PIP5K1B: variants seen among roughly 807,000 people sequenced by gnomAD.
PIP5K1B encodes phosphatidylinositol 4-phosphate 5-kinase type-1 beta.
PIP5K1B carries 42 observed loss-of-function variants against 67.0 expected under a neutral mutation model. The ratio of observed to expected loss-of-function variants is 0.63; its 90% CI spans 0.49 to 0.81. The LOEUF (loss-of-function observed/expected upper bound fraction) is 0.81. Among genes scored for constraint, PIP5K1B ranks in the 30% least tolerant of loss-of-function variants. The pLI, the probability that PIP5K1B is intolerant of heterozygous loss-of-function variation, is 0.00. For synonymous variants in PIP5K1B, 214 were observed against 231.4 expected, an observed-to-expected ratio of 0.92 and a Z score of 0.68; for missense variants, 459 against 646.3, an observed-to-expected ratio of 0.71 and a Z score of 3.14.
At chr9:68,909,890 T>C (rs1267459425) in intron 8 of PIP5K1B, among the ~76,000 whole-genome samples, 1 of 152,252 alleles carries the variant, frequency 6.6e-6, no homozygotes, top group Non-Finnish European at 1.5e-5. Context: ...TTTTATTATA[T>C]GTCTGCTAGA....
intron 4 of PIP5K1B, among the ~76,000 whole-genome samples, chr9:68,846,896 T>C (rs899514903): frequency 6.6e-5 from 10 of 152,252 alleles, no homozygotes; most frequent in African/African-American, 2.4e-4. Flanking sequence ...TGATTTCTTC[T>C]AGGCCTGTTT....
At chr9:68,941,034 G>T in intron 14 of PIP5K1B, 1 of 603,136 alleles carries the variant, frequency 1.7e-6, no homozygotes, top group Non-Finnish European at 3.1e-6. Flanking sequence ...TTGGCTCAAT[G>T]GAAGAAGACA....
chr9:68,964,144 CTTT>C (rs969995831), intron 14 of PIP5K1B: 3 of 152,284 alleles, frequency 2.0e-5, no homozygotes, highest in African/African-American at 7.2e-5. Context: ...CATCATTCTT[CTTT>C]AAGACTGCTG....
chr9:68,892,431 A>G (rs979438726), intron 7 of PIP5K1B, among the ~76,000 whole-genome samples: 5 of 152,232 alleles, frequency 3.3e-5, no homozygotes, highest in African/African-American at 4.8e-5. Context: ...TAGACAGATA[A>G]ATTAATGGAT....
At chr9:68,821,715 A>C (rs1833740277) in intron 3 of PIP5K1B, among the ~76,000 whole-genome samples, 1 of 152,256 alleles carries the variant, frequency 6.6e-6, no homozygotes, top group African/African-American at 2.4e-5. Context: ...AGCAGTTCCA[A>C]GAATTGAGTC....
chr9:68,719,893 T>C (rs4745223), intron 1 of PIP5K1B, among the ~76,000 whole-genome samples: 84,665 of 152,072 alleles, frequency 0.56, 23,854 homozygotes, highest in East Asian at 0.69. Context: ...AAAAGACTTC[T>C]GGAAGCATTT....
At chr9:68,889,916 A>G (rs940640869) in intron 7 of PIP5K1B, among the ~76,000 whole-genome samples, 1 of 152,206 alleles carries the variant, frequency 6.6e-6, no homozygotes, top group Non-Finnish European at 1.5e-5. Context: ...CTACATGTTA[A>G]GCAAGGCCTT....
intron 14 of PIP5K1B, among the ~76,000 whole-genome samples, chr9:68,973,442 G>A (rs1829489616): frequency 6.6e-6 from 1 of 152,130 alleles, no homozygotes; most frequent in South Asian, 2.1e-4. Flanking sequence ...GCTTAAATGG[G>A]ACTCTGAAAA....
At chr9:68,818,719 A>T (rs1335188309) in intron 3 of PIP5K1B, among the ~76,000 whole-genome samples, 174 bp downstream of exon 3, 4 of 152,144 alleles carry the variant, frequency 2.6e-5, no homozygotes, top group Non-Finnish European at 5.9e-5. Flanking sequence ...AAGAAATTTT[A>T]TGAATTTTGG....
intron 4 of PIP5K1B, among the ~76,000 whole-genome samples, chr9:68,861,887 G>T (rs914364559): frequency 6.8e-6 from 1 of 146,252 alleles, no homozygotes; most frequent in Non-Finnish European, 1.5e-5. Flanking sequence ...GGGTTTTTTT[G>T]TTTGTTTGTT....
chr9:68,945,543 C>T lies in PIP5K1B; in HGVS notation c.1502+4753C>T, dbSNP rs1381958751. On this transcript the variant is annotated intron_variant, in intron 14 of 15. Transcript: ENST00000265382. Reference sequence around the variant, plus strand: ...AGCATTGCAAAGGCAACTTTTCTATCATAATATTAGTCCTACTTCAAACCA... The same window carrying T: ...AGCATTGCAAAGGCAACTTTTCTATTATAATATTAGTCCTACTTCAAACCA... Among the ~76,000 whole-genome samples the T allele has an allele frequency of 7.2e-5, 11 of 152,178 alleles. No homozygotes were observed. The East Asian group carries it at 2.1e-3, about 29-fold the overall frequency.
intron 14 of PIP5K1B, among the ~76,000 whole-genome samples, chr9:68,962,006 C>CT (rs989709155): frequency 4.6e-5 from 7 of 152,174 alleles, no homozygotes; most frequent in African/African-American, 1.7e-4. Flanking sequence ...ATTCTTCAGC[C>CT]TTTTGAGAGT....
chr9:68,876,578 T>G (rs374671688), intron 5 of PIP5K1B, 99 bp from the exon 6 acceptor site: 1 of 704,856 alleles, frequency 1.4e-6, no homozygotes, highest in Non-Finnish European at 2.5e-6. Context: ...TTTCTAGAGA[T>G]AACATTGGCC....
At chr9:68,938,584 C>G (rs1482801943) in intron 13 of PIP5K1B, among the ~76,000 whole-genome samples, 1 of 152,094 alleles carries the variant, frequency 6.6e-6, no homozygotes, top group Non-Finnish European at 1.5e-5. Context: ...GCATTTAGCC[C>G]ATTTATATTT....
intron 2 of PIP5K1B, among the ~76,000 whole-genome samples, chr9:68,801,441 G>A (rs1587472931): frequency 6.6e-6 from 1 of 152,164 alleles, no homozygotes; most frequent in Admixed American, 6.5e-5. Context: ...TGAGAAAAGA[G>A]GGTACATGTA....
chr9:68,963,695 C>T (rs953337291), intron 14 of PIP5K1B, among the ~76,000 whole-genome samples: 3 of 152,134 alleles, frequency 2.0e-5, no homozygotes, highest in African/African-American at 7.2e-5. Context: ...AGATCAGGGA[C>T]CTTTACAATG....
chr9:68,764,771 C>T (rs1335768755), intron 2 of PIP5K1B, among the ~76,000 whole-genome samples: 1 of 152,036 alleles, frequency 6.6e-6, no homozygotes, highest in Non-Finnish European at 1.5e-5. Flanking sequence ...CTCGTCCTCA[C>T]CTTCATTCTG....
intron 5 of PIP5K1B, among the ~76,000 whole-genome samples, chr9:68,867,816 A>G (rs1823435564): frequency 6.6e-6 from 1 of 152,238 alleles, no homozygotes; most frequent in Non-Finnish European, 1.5e-5. Context: ...CATCCAAAAC[A>G]TTCTGCAGTC....
intron 8 of PIP5K1B, among the ~76,000 whole-genome samples, chr9:68,906,950 G>T (rs926837483): frequency 1.4e-4 from 21 of 152,106 alleles, no homozygotes; most frequent in African/African-American, 5.1e-4. Flanking sequence ...TCAGAAAAAG[G>T]TCTACAATCA....
Sources: allele counts gnomAD v4.1 joint callset (sites outside exome capture counted in the v4.1 genomes callset), GRCh38; gene constraint gnomAD v4.1.1; transcripts MANE v1.5; gene names NCBI Gene and HGNC (gene_info 2026-07-23, HGNC 2026-07-21).